Variants in ATRN observed in about 807,000 individuals in gnomAD.
ATRN encodes attractin.
ATRN carries 54 observed loss-of-function variants against 178.7 expected under a neutral mutation model. The ratio of observed to expected loss-of-function variants is 0.30; its 90% CI spans 0.24 to 0.38. ATRN has a LOEUF of 0.38. Ranked by LOEUF, ATRN falls within the 10% of genes least tolerant of loss-of-function variation. ATRN has a pLI of 1.00. For missense variants in ATRN, 1,443 were observed against 1,815.1 expected (o/e 0.79, Z 3.73); for synonymous variants, 636 against 663.0 (o/e 0.96, Z 0.63).
At chr20:3,548,566 A>T (rs1299790580) in intron 5 of ATRN, among the ~76,000 whole-genome samples, 1 of 147,920 alleles carries the variant, frequency 6.8e-6, no homozygotes, top group African/African-American at 2.5e-5. Flanking sequence ...ATACCACTGC[A>T]CTCCAACATG....
chr20:3,551,515 G>A (rs2085786520), intron 6 of ATRN, among the ~76,000 whole-genome samples: 1 of 151,996 alleles, frequency 6.6e-6, no homozygotes, highest in Non-Finnish European at 1.5e-5. Context: ...TAAATCACTT[G>A]TACAGGAATC....
intron 1 of ATRN, among the ~76,000 whole-genome samples, chr20:3,478,143 A>G (rs975563939): frequency 3.9e-5 from 6 of 151,974 alleles, no homozygotes; most frequent in African/African-American, 1.5e-4. Flanking sequence ...CCTTCACCTC[A>G]TTGCTGACCT....
chr20:3,586,094 A>G (rs1325104399), intron 18 of ATRN, among the ~76,000 whole-genome samples: 2 of 152,246 alleles, frequency 1.3e-5, no homozygotes, highest in African/African-American at 2.4e-5. Context: ...AAAAACTTGT[A>G]TATAAATGCT....
intron 1 of ATRN, among the ~76,000 whole-genome samples, chr20:3,515,629 A>T (rs1266467907): frequency 1.3e-5 from 2 of 152,232 alleles, no homozygotes; most frequent in African/African-American, 4.8e-5. Flanking sequence ...GCATTGAGTC[A>T]AAGTAGACAA....
chr20:3,528,169 A>G (rs556775304), intron 1 of ATRN, among the ~76,000 whole-genome samples: 1 of 152,112 alleles, frequency 6.6e-6, no homozygotes, highest in East Asian at 1.9e-4. Flanking sequence ...AGGAGTTCAA[A>G]CCAGCCTGGC....
intron 1 of ATRN, among the ~76,000 whole-genome samples, chr20:3,506,773 A>G (rs2085050446): frequency 2.0e-5 from 3 of 152,182 alleles, no homozygotes; most frequent in Admixed American, 1.3e-4. Flanking sequence ...ATAAATGATT[A>G]GTATCTTTAT....
chr20:3,635,400 A>T (rs894483210), intron 26 of ATRN, among the ~76,000 whole-genome samples: 2 of 151,368 alleles, frequency 1.3e-5, no homozygotes, highest in Non-Finnish European at 2.9e-5. Context: ...TAAATATTTT[A>T]AAAATAACCA....
rs187247805 is a variant in ATRN, at chr20:3,566,959, T to C, written c.1871+1527T>C. Reference sequence around the variant, plus strand: ...AGAAGGTGACATATTTTGGAGATGTTGTGAAGGAAGAGTTGAGACAATTTA... The same window carrying C: ...AGAAGGTGACATATTTTGGAGATGTCGTGAAGGAAGAGTTGAGACAATTTA... On this transcript the variant is annotated intron_variant, in intron 11 of 28. Transcript: ENST00000262919. Among the ~76,000 whole-genome samples the C allele has an allele frequency of 2.1e-3, 323 of 150,768 alleles. 2 individuals are homozygous for C. The highest frequency in any genetic ancestry group is 6.9e-3 in the African/African-American group (285 of 41,040).
chr20:3,487,385 A>G (rs865877077), intron 1 of ATRN, among the ~76,000 whole-genome samples: 11 of 152,084 alleles, frequency 7.2e-5, no homozygotes, highest in Non-Finnish European at 1.5e-4. Context: ...GATGCGTGCC[A>G]CCACACCCAG....
intron 12 of ATRN, among the ~76,000 whole-genome samples, chr20:3,575,421 A>C (rs1475456365): frequency 3.9e-5 from 6 of 152,174 alleles, no homozygotes; most frequent in African/African-American, 1.4e-4. Flanking sequence ...TCCTGTGCCC[A>C]AATTAGCCTT....
chr20:3,581,230 C>G (rs1478120435), intron 15 of ATRN, among the ~76,000 whole-genome samples: 1 of 152,176 alleles, frequency 6.6e-6, no homozygotes, highest in Non-Finnish European at 1.5e-5. Context: ...CCAGCATGGG[C>G]AACAGAGCGA....
intron 25 of ATRN, among the ~76,000 whole-genome samples, chr20:3,628,729 G>A (rs1395829291): frequency 2.6e-5 from 4 of 151,702 alleles, no homozygotes; most frequent in African/African-American, 4.8e-5. Flanking sequence ...AAATCCAAAG[G>A]ATACTTTTTG....
At chr20:3,576,731 A>ATCTG (rs2086217082) in intron 13 of ATRN, 128 bp from the exon 14 acceptor site, 15 of 733,638 alleles carry the variant, frequency 2.0e-5, no homozygotes, top group South Asian at 1.2e-4. Flanking sequence ...CTATCTATCT[A>ATCTG]TCTGTCTATC....
intron 25 of ATRN, among the ~76,000 whole-genome samples, chr20:3,629,785 A>G (rs1357995911): frequency 6.6e-6 from 1 of 152,232 alleles, no homozygotes; most frequent in Non-Finnish European, 1.5e-5. Flanking sequence ...TTTATTATAC[A>G]GGGTACAACT....
In ATRN at chr20:3,471,121, C is replaced by T. The variant is rs1410443010; in HGVS notation, c.14C>T (p.Ala5Val). MVAAAAATEARLRRR... is the reference protein window; with the variant it reads MVAAVAATEARLRRR... The stretch of plus-strand genomic sequence containing the variant: ...AGCCCCGGGAAGATGGTGGCTGCAG[C>T]GGCGGCAACTGAGGCAAGGCTGAGG... The change falls in exon 1 of 29, where the codon GCG (alanine) becomes GTG (valine). Residue 5 changes from alanine (A) to valine (V), a missense_variant. Around this residue, in one of 4 missense-constraint regions of ATRN, gnomAD observed 862 missense variants for 972.1 expected, o/e 0.89. Transcript: ENST00000262919. The T allele has an allele frequency of 2.0e-6, 3 of 1,510,842 alleles. No homozygotes were observed. Among genetic ancestry groups the T allele is most frequent in the Admixed American group, 2.0e-5 (1 of 49,238 alleles). 93.6% of individuals were successfully genotyped at this position (1,510,842 alleles called of 1,614,324 possible). A position where few individuals can be genotyped will look rare whatever the true frequency, so the allele number is the denominator to read the frequency against.
chr20:3,597,802 T>C, intron 21 of ATRN, 104 bp from the exon 22 acceptor site: 2 of 685,662 alleles, frequency 2.9e-6, no homozygotes, highest in Non-Finnish European at 5.0e-6. Context: ...GTTAAAGTGC[T>C]TTCCTCGTTA....
chr20:3,541,424 GT>G (rs141560554), intron 3 of ATRN, among the ~76,000 whole-genome samples: 6,069 of 150,680 alleles, frequency 0.04, 161 homozygotes, highest in Non-Finnish European at 0.058. Context: ...GCAGGAATAG[GT>G]TTTGAGAAAT....
Position 3,525,652 on chromosome 20 carries a change from T to C in ATRN, c.411-9601T>C, listed in dbSNP as rs566008253. On this transcript the variant is annotated intron_variant, in intron 1 of 28. Transcript: ENST00000262919. ...TAAGCATCGATGCGAGAATCCTCAA[T>C]AAAATACTGGCACACCGAATCCAGC... Among the ~76,000 whole-genome samples the C allele has an allele frequency of 2.2e-4, 34 of 152,266 alleles. No homozygotes were observed. The Middle Eastern group carries it at 0.01, about 46-fold the overall frequency.
chr20:3,636,496 A>G (rs970113069), intron 26 of ATRN, among the ~76,000 whole-genome samples: 32 of 152,240 alleles, frequency 2.1e-4, no homozygotes, highest in Non-Finnish European at 3.8e-4. Context: ...TTTTAACGCT[A>G]TGAAGAATAT....
Sources: gnomAD v4.1 joint callset for allele counts (sites outside exome capture counted in the v4.1 genomes callset) on GRCh38, gnomAD v4.1.1 for gene constraint, gnomAD v4.1.1 regional missense constraint, MANE v1.5 for transcripts, NCBI Gene and HGNC (gene_info 2026-07-23, HGNC 2026-07-21) for gene names.